The following ANKS1B variants were observed in gnomAD, a reference collection of about 807,000 sequenced individuals.
ANKS1B encodes the protein ankyrin repeat and sterile alpha motif domain-containing protein 1B.
In ANKS1B, 36 loss-of-function variants were observed where a neutral mutation model predicts 148.3. The observed-to-expected ratio is 0.24, with a 90% CI of 0.19 to 0.32. The LOEUF (loss-of-function observed/expected upper bound fraction) is 0.32, where lower values mean the gene tolerates loss of function less well. Ranked by LOEUF, ANKS1B falls within the 10% of genes least tolerant of loss-of-function variation. The pLI is 1.00. For missense variants in ANKS1B, 1,157 were observed against 1,542.6 expected, an observed-to-expected ratio of 0.75 and a Z score of 4.19; for synonymous variants, 542 against 560.8, an observed-to-expected ratio of 0.97 and a Z score of 0.47.
chr12:99,421,356 T>C (rs1486977363), intron 11 of ANKS1B, among the ~76,000 whole-genome samples: 1 of 152,116 alleles, frequency 6.6e-6, no homozygotes, highest in Non-Finnish European at 1.5e-5. Context: ...ACTTATTTTA[T>C]CAGTGTTTAA....
chr12:99,502,327 G>C (rs1375105364), intron 10 of ANKS1B, among the ~76,000 whole-genome samples: 1 of 152,124 alleles, frequency 6.6e-6, no homozygotes, highest in Non-Finnish European at 1.5e-5. Flanking sequence ...CCTGGGGTCA[G>C]CATTGTTTTC....
At chr12:98,856,914 G>T (rs1356111682) in intron 17 of ANKS1B, among the ~76,000 whole-genome samples, 1 of 152,124 alleles carries the variant, frequency 6.6e-6, no homozygotes, top group East Asian at 1.9e-4. Flanking sequence ...ACACTGCTGG[G>T]GTTTACTTAA....
chr12:98,995,267 A>G (rs2099928830), intron 17 of ANKS1B, among the ~76,000 whole-genome samples: 2 of 152,100 alleles, frequency 1.3e-5, no homozygotes, highest in African/African-American at 2.4e-5. Flanking sequence ...CAAGCAACCT[A>G]TGGAATACTA....
At chr12:99,739,356 C>A in intron 8 of ANKS1B, among the ~76,000 whole-genome samples, 1 of 125,538 alleles carries the variant, frequency 8.0e-6, no homozygotes, top group African/African-American at 3.1e-5. Flanking sequence ...GGGGGCGGGG[C>A]CAAAAAAAAA....
At chr12:99,264,873 T>A (rs1412779855) in intron 12 of ANKS1B, among the ~76,000 whole-genome samples, 2 of 152,090 alleles carry the variant, frequency 1.3e-5, no homozygotes, top group Non-Finnish European at 2.9e-5. Flanking sequence ...GGGTCCTTCA[T>A]TCACATAGTA....
chr12:98,940,520 G>A lies in ANKS1B; in HGVS notation c.2779-108384C>T, dbSNP rs116979008. ...CCCTGATCAAGGTCAGGCCTTCCAC[G>A]GGCTTTTTGTAGCTTCCTGTGCTTG... On this transcript the variant is annotated intron_variant, in intron 17 of 26. Coordinates refer to ENST00000683438, the MANE Select transcript of ANKS1B (RefSeq NM_001352186.2). Among the ~76,000 whole-genome samples the A allele has an allele frequency of 2.9e-3, 445 of 152,188 alleles. 8 individuals carry two copies. In the East Asian group the frequency reaches 0.048, roughly 16 times the overall value.
chr12:99,522,481 A>G (rs906604335), intron 9 of ANKS1B, among the ~76,000 whole-genome samples: 1 of 152,228 alleles, frequency 6.6e-6, no homozygotes, highest in Non-Finnish European at 1.5e-5. Flanking sequence ...AGAAAAATAA[A>G]TATTGGCAAT....
At chr12:98,956,578 G>T (rs1321330256) in intron 17 of ANKS1B, among the ~76,000 whole-genome samples, 1 of 150,940 alleles carries the variant, frequency 6.6e-6, no homozygotes, top group Admixed American at 6.6e-5. Context: ...CTATCCATTG[G>T]CCAGATTATA....
chr12:99,182,997 T>C (rs910281808), intron 14 of ANKS1B, among the ~76,000 whole-genome samples: 7 of 152,250 alleles, frequency 4.6e-5, no homozygotes, highest in African/African-American at 1.7e-4. Flanking sequence ...TGCTCAGTTT[T>C]AAATCAAATT....
chr12:98,967,488 G>A (rs1457843456), intron 17 of ANKS1B, among the ~76,000 whole-genome samples: 6 of 151,694 alleles, frequency 4.0e-5, no homozygotes, highest in African/African-American at 1.5e-4. Context: ...ATTTCTTGTG[G>A]AATATACATA....
intron 24 of ANKS1B, among the ~76,000 whole-genome samples, chr12:98,775,728 A>G (rs1349848607): frequency 6.6e-6 from 1 of 151,972 alleles, no homozygotes; most frequent in East Asian, 1.9e-4. Flanking sequence ...CTGGGATTAC[A>G]GGTGTGAGCC....
At position 99,897,269 on chromosome 12, in the gene ANKS1B, C is replaced by T. The variant is rs2093418080; in HGVS notation, c.135-71880G>A. On this transcript the variant is annotated intron_variant, in intron 1 of 26. Coordinates refer to ENST00000683438, the MANE Select transcript of ANKS1B (RefSeq NM_001352186.2). ...CATGAACACTACAAATACAAACTTA[C>T]TATAGCTTTTTTCAAAATTATATTC... Among the ~76,000 whole-genome samples the T allele has an allele frequency of 2.0e-5, 3 of 151,178 alleles. No homozygotes were observed. The South Asian group carries it at 6.3e-4, about 32-fold the overall frequency.
chr12:99,459,388 A>G (rs2095906522), intron 10 of ANKS1B, among the ~76,000 whole-genome samples: 1 of 152,124 alleles, frequency 6.6e-6, no homozygotes, highest in Non-Finnish European at 1.5e-5. Flanking sequence ...TATTAAACAT[A>G]GTACTGGAAG....
At chr12:99,656,144 C>T (rs1466191314) in intron 8 of ANKS1B, among the ~76,000 whole-genome samples, 1 of 152,136 alleles carries the variant, frequency 6.6e-6, no homozygotes, top group Admixed American at 6.6e-5. Flanking sequence ...TACAGATATA[C>T]TGAGTCTCCA....
intron 9 of ANKS1B, among the ~76,000 whole-genome samples, chr12:99,528,999 G>T (rs2096960169): frequency 6.6e-6 from 1 of 152,138 alleles, no homozygotes; most frequent in South Asian, 2.1e-4. Context: ...TGAGGAAAGA[G>T]ATGATACCAT....
chr12:99,827,891 C>T (rs1000138777), intron 1 of ANKS1B, among the ~76,000 whole-genome samples: 1 of 152,028 alleles, frequency 6.6e-6, no homozygotes, highest in Admixed American at 6.5e-5. Context: ...CAAATCATAC[C>T]ATACAAATAA....
chr12:99,907,337 A>G (rs1164647283), intron 1 of ANKS1B, among the ~76,000 whole-genome samples: 1 of 152,204 alleles, frequency 6.6e-6, no homozygotes, highest in African/African-American at 2.4e-5. Flanking sequence ...CCTGTGCTGT[A>G]GCAATCAGAA....
rs1042205315 is a variant in ANKS1B, at chr12:99,666,658, T to C, written c.1129-11448A>G. 2.6e-5 allele frequency among the ~76,000 whole-genome samples: 4 copies of C among 152,222 alleles called. No homozygotes were observed. In the East Asian group the frequency reaches 7.7e-4, roughly 29 times the overall value. ...AAATATGAAGGGGTAAACACACGTT[T>C]CGTGTTTCTGGAAAATCTTTCAAAT... On this transcript the variant is annotated intron_variant, in intron 8 of 26. Transcript: ENST00000683438.
chr12:99,927,108 G>C (rs566874623), intron 1 of ANKS1B, among the ~76,000 whole-genome samples: 1 of 152,268 alleles, frequency 6.6e-6, no homozygotes, highest in East Asian at 1.9e-4. Context: ...ATGTGTGGGA[G>C]TTAGGCCTAA....
Sources: allele counts gnomAD v4.1 joint callset (sites outside exome capture counted in the v4.1 genomes callset), GRCh38; gene constraint gnomAD v4.1.1; transcripts MANE v1.5; gene names NCBI Gene and HGNC (gene_info 2026-07-23, HGNC 2026-07-21).